Variants in CFAP251 observed in about 807,000 individuals in gnomAD.
CFAP251 encodes the protein cilia and flagella associated protein 251.
A neutral mutation model predicts 126.7 loss-of-function variants in CFAP251; 93 were observed. The ratio of observed to expected loss-of-function variants is 0.73; its 90% CI spans 0.62 to 0.87. The LOEUF is 0.87. Ranked by LOEUF, CFAP251 falls within the 40% of genes least tolerant of loss-of-function variation. The pLI is 0.00. For missense variants in CFAP251, 1,287 were observed against 1,389.2 expected, an observed-to-expected ratio of 0.93 and a Z score of 1.17; for synonymous variants, 503 against 506.9, an observed-to-expected ratio of 0.99 and a Z score of 0.10.
At chr12:121,962,198 G>T (rs781742568) in intron 15 of CFAP251, 36 bp downstream of exon 15, 8 of 1,594,844 alleles carry the variant, frequency 5.0e-6, no homozygotes, top group Admixed American at 1.7e-5. Context: ...AGGGGGCGTG[G>T]ATCAAGTTCT....
intron 17 of CFAP251, chr12:121,972,048 A>G (rs994785180): frequency 4.6e-6 from 1 of 216,120 alleles, no homozygotes; most frequent in Non-Finnish European, 9.3e-6. Context: ...AACTGTAACA[A>G]TAAACCTCTT....
intron 19 of CFAP251, among the ~76,000 whole-genome samples, chr12:121,985,119 A>G (rs1882714860): frequency 6.6e-6 from 1 of 152,256 alleles, no homozygotes. Context: ...GAGCTTGGGC[A>G]TAGCTTAGGA....
At chr12:121,923,164 T>C (rs542856977) in intron 2 of CFAP251, among the ~76,000 whole-genome samples, 1 of 146,298 alleles carries the variant, frequency 6.8e-6, no homozygotes, top group East Asian at 2.2e-4. Flanking sequence ...TTCTCTCCTC[T>C]CATCCCTCCT....
intron 7 of CFAP251, among the ~76,000 whole-genome samples, chr12:121,943,614 G>A (rs909245490): frequency 1.3e-5 from 2 of 151,892 alleles, no homozygotes; most frequent in Admixed American, 6.6e-5. Flanking sequence ...TAGTAGAGAC[G>A]GGTTTTCTCC....
chr12:121,988,738 T>C (rs1882808111), intron 19 of CFAP251, among the ~76,000 whole-genome samples: 2 of 150,990 alleles, frequency 1.3e-5, no homozygotes, highest in African/African-American at 2.4e-5. Flanking sequence ...TTTTTTTTCT[T>C]TTTTTTCTCT....
At chr12:121,936,782 G>T (rs1880911603) in intron 5 of CFAP251, among the ~76,000 whole-genome samples, 2 of 152,202 alleles carry the variant, frequency 1.3e-5, no homozygotes, top group African/African-American at 4.8e-5. Context: ...CAGATGGTGG[G>T]TGGGTGGTGA....
chr12:121,944,275 G>A (rs1295623564), intron 7 of CFAP251, among the ~76,000 whole-genome samples: 2 of 152,158 alleles, frequency 1.3e-5, no homozygotes, highest in Non-Finnish European at 2.9e-5. Flanking sequence ...ATATGGTTAT[G>A]CAGCCATATG....
rs1158143908 is a variant in CFAP251 at position 121,942,951 on chromosome 12, A to C, written c.1167A>C (p.Glu389Asp). Reference sequence around the variant, plus strand: ...TGGAAACGCCAGCATGCACTCTCGAACTCCCCACAGAGTACGGTGTTCAGG... The same window carrying C: ...TGGAAACGCCAGCATGCACTCTCGACCTCCCCACAGAGTACGGTGTTCAGG... ...LAVETPACTL[E>D]LPTEYGVQNY... is the part of the protein sequence containing the mutation. Residue 389 changes from glutamate (E) to aspartate (D), a missense_variant, in exon 7 of 22, where the codon GAA (glutamate) becomes GAC (aspartate). Glu to Asp is a conservative substitution (Grantham distance 45). Transcript: ENST00000288912. 6.2e-7 allele frequency: 1 copy of C among 1,614,024 alleles called. No homozygotes were observed. The highest frequency in any genetic ancestry group is 2.2e-5 in the East Asian group (1 of 44,866).
At position 121,999,859 on chromosome 12, in the gene CFAP251, G is replaced by A; in HGVS notation, c.3150G>A (p.Lys1050=). 1 of 1,614,158 alleles carries A rather than the reference G, an allele frequency of 6.2e-7. No individual in the cohort carries two copies. Among genetic ancestry groups the A allele is most frequent in the Non-Finnish European group, 8.5e-7 (1 of 1,180,022 alleles). The part of the protein sequence containing the change: ...PFGNTMSGIH[K]SFEVLGYTNS... Reference sequence around the variant, plus strand: ...GTAACACCATGAGTGGCATCCACAAGAGCTTTGAGGTGCTCGGTTATACCA... The same window carrying A: ...GTAACACCATGAGTGGCATCCACAAAAGCTTTGAGGTGCTCGGTTATACCA... The change falls in exon 20 of 22, where the codon AAG becomes AAA. Residue 1050 remains lysine, a synonymous_variant. Coordinates refer to ENST00000288912, the MANE Select transcript of CFAP251 (RefSeq NM_144668.6).
At position 121,954,309 on chromosome 12, in the gene CFAP251, A is replaced by G. The variant is rs1565911307; in HGVS notation, c.1510A>G (p.Ile504Val). The G allele has an allele frequency of 1.2e-6, 2 of 1,613,944 alleles. No individual in the cohort carries two copies. The highest frequency in any genetic ancestry group is 1.7e-6 in the Non-Finnish European group (2 of 1,179,868). Residue 504 changes from isoleucine to valine, a missense_variant, in exon 10 of 22, where the codon ATC becomes GTC. Transcript: ENST00000288912. ...ATTGGTTCATTTGCAGAAAGAGGGT[A>G]TCACGGTACTTACCACAATTGATAG... ...CKLVHLQKEGITVLTTIDSYI... is the reference protein window; with the variant it reads ...CKLVHLQKEGVTVLTTIDSYI...
At chr12:121,923,540 C>T (rs977122926) in intron 2 of CFAP251, 82 bp from the exon 3 acceptor site, 1 of 1,499,436 alleles carries the variant, frequency 6.7e-7, no homozygotes, top group Admixed American at 2.2e-5. Flanking sequence ...AACACTAAGA[C>T]TGGCTGACTG....
intron 5 of CFAP251, among the ~76,000 whole-genome samples, chr12:121,938,172 T>A (rs75164222): frequency 7.6e-6 from 1 of 130,928 alleles, no homozygotes; most frequent in African/African-American, 2.8e-5. Context: ...GCCTGGCTAA[T>A]TTTTTTTTTT....
intron 7 of CFAP251, among the ~76,000 whole-genome samples, chr12:121,945,655 T>A (rs1268160398): frequency 2.0e-5 from 3 of 148,094 alleles, no homozygotes; most frequent in Non-Finnish European, 4.5e-5. Flanking sequence ...AGTGTTATTT[T>A]TATTTTTCAT....
chr12:121,961,870 A>T, intron 14 of CFAP251, 108 bp from the exon 15 acceptor site: 1 of 1,152,348 alleles, frequency 8.7e-7, no homozygotes, highest in African/African-American at 1.5e-5. Flanking sequence ...CCAGAACAGC[A>T]CTGTTGGCTG....
At chr12:121,976,952 C>G (rs1882475638) in intron 19 of CFAP251, among the ~76,000 whole-genome samples, 1 of 152,136 alleles carries the variant, frequency 6.6e-6, no homozygotes, top group Non-Finnish European at 1.5e-5. Flanking sequence ...TGTATTTCTT[C>G]TGACTTTTAT....
At chr12:121,984,219 C>T (rs2135806579) in intron 19 of CFAP251, among the ~76,000 whole-genome samples, 1 of 152,324 alleles carries the variant, frequency 6.6e-6, no homozygotes, top group African/African-American at 2.4e-5. Context: ...TAGCCATTCC[C>T]TTCTTTCGCA....
intron 21 of CFAP251, 161 bp downstream of exon 21, chr12:122,001,759 A>C (rs1883157690): frequency 4.6e-6 from 3 of 654,288 alleles, no homozygotes; most frequent in Non-Finnish European, 8.3e-6. Flanking sequence ...TTATGAAAAG[A>C]ACAGTGAGTG....
intron 8 of CFAP251, 64 bp downstream of exon 8, chr12:121,949,125 C>A: frequency 1.9e-6 from 2 of 1,065,012 alleles, no homozygotes; most frequent in Non-Finnish European, 1.4e-6. Flanking sequence ...TCTTTGAGTA[C>A]AAATGTTTCA....
At chr12:121,923,573 G>A in intron 2 of CFAP251, 49 bp from the exon 3 acceptor site, 2 of 1,546,136 alleles carry the variant, frequency 1.3e-6, no homozygotes, top group African/African-American at 1.4e-5. Flanking sequence ...GTGAATAAAT[G>A]GTGAGTAGCA....
Sources: allele counts gnomAD v4.1 joint callset (sites outside exome capture counted in the v4.1 genomes callset), GRCh38; gene constraint gnomAD v4.1.1; transcripts MANE v1.5; gene names NCBI Gene and HGNC (gene_info 2026-07-23, HGNC 2026-07-21).